The following WDR70 variants were observed in gnomAD, a reference collection of about 807,000 sequenced individuals.
WDR70 encodes the protein WD repeat domain 70.
Under a neutral mutation model 88.6 loss-of-function variants are expected in WDR70, and 53 were observed. The observed-to-expected ratio is 0.60, with a 90% CI of 0.48 to 0.75. The LOEUF (loss-of-function observed/expected upper bound fraction) is 0.75. WDR70 is among the 30% of genes least tolerant of loss of function. The pLI, the probability that WDR70 is intolerant of heterozygous loss-of-function variation, is 0.00. For missense variants in WDR70, 610 were observed against 823.2 expected (o/e 0.74, Z 3.17); for synonymous variants, 280 against 270.0 (o/e 1.04, Z -0.36).
chr5:37,671,290 T>A (rs774850529), intron 10 of WDR70, among the ~76,000 whole-genome samples: 1 of 152,182 alleles, frequency 6.6e-6, no homozygotes, highest in African/African-American at 2.4e-5. Flanking sequence ...TTTTGCAGCA[T>A]AGTTGCATTT....
chr5:37,520,288 C>T (rs1326112331), intron 9 of WDR70, among the ~76,000 whole-genome samples: 2 of 152,044 alleles, frequency 1.3e-5, no homozygotes, highest in African/African-American at 2.4e-5. Context: ...TGAAATATAT[C>T]TTTAGAAGAC....
At chr5:37,694,771 AC>A (rs1200058630) in intron 10 of WDR70, among the ~76,000 whole-genome samples, 1 of 152,012 alleles carries the variant, frequency 6.6e-6, no homozygotes, top group African/African-American at 2.4e-5. Flanking sequence ...GGTGCAGCAA[AC>A]CACCATGGCA....
intron 5 of WDR70, among the ~76,000 whole-genome samples, 185 bp from the exon 6 acceptor site, chr5:37,437,737 C>A (rs537266292): frequency 6.6e-6 from 1 of 151,932 alleles, no homozygotes; most frequent in South Asian, 2.1e-4. Flanking sequence ...CATCAGAGAC[C>A]CATTGTAGTG....
intron 9 of WDR70, among the ~76,000 whole-genome samples, chr5:37,548,203 G>A (rs953174773): frequency 6.6e-6 from 1 of 152,144 alleles, no homozygotes; most frequent in African/African-American, 2.4e-5. Flanking sequence ...TCTATTTTAA[G>A]CTTTCTGGAG....
At chr5:37,448,162 C>T (rs193029010) in intron 7 of WDR70, among the ~76,000 whole-genome samples, 2,961 of 152,128 alleles carry the variant, frequency 0.019, 86 homozygotes, top group African/African-American at 0.067. Flanking sequence ...TTTCATGTTT[C>T]AGTCAATTGC....
intron 9 of WDR70, among the ~76,000 whole-genome samples, chr5:37,526,617 T>C (rs1302070083): frequency 1.3e-5 from 2 of 152,224 alleles, no homozygotes; most frequent in Admixed American, 6.5e-5. Flanking sequence ...AACATAGTGT[T>C]GGAAGTTCTG....
rs1479345736 is a variant in WDR70 at position 37,564,558 on chromosome 5, GGGGAGAGGGAGAGGGAGAGGA to G, written c.918-40491_918-40471del. On this transcript the variant is annotated intron_variant, in intron 9 of 17. Coordinates refer to ENST00000265107, the MANE Select transcript of WDR70 (RefSeq NM_018034.4). ...GAGACGGTGGGGAGAGGGAGACCGT[GGGGAGAGGGAGAGGGAGAGGA>G]GGGAGAGGGAGAGGAGGGAGAGGGA... Among the ~76,000 whole-genome samples, 4 of 112,290 alleles carry G rather than the reference GGGGAGAGGGAGAGGGAGAGGA, an allele frequency of 3.6e-5. No homozygotes were observed. In the East Asian group the frequency reaches 8.0e-4, roughly 22 times the overall value. The allele number at this position is 112,290 out of a possible 152,430, so 73.7% of individuals were successfully genotyped here. A position where few individuals can be genotyped will look rare whatever the true frequency, so the allele number is the denominator to read the frequency against.
chr5:37,692,237 C>A (rs1746819773), intron 10 of WDR70, among the ~76,000 whole-genome samples: 1 of 151,764 alleles, frequency 6.6e-6, no homozygotes, highest in Admixed American at 6.6e-5. Context: ...AGCCTACCAA[C>A]CGTAAAAAGT....
chr5:37,727,149 A>G (rs1358917583), intron 17 of WDR70, 104 bp downstream of exon 17: 12 of 1,387,750 alleles, frequency 8.6e-6, no homozygotes, highest in Non-Finnish European at 1.2e-5. Context: ...TTCTTATTTC[A>G]TACTTAGATA....
intron 2 of WDR70, 94 bp from the exon 3 acceptor site, chr5:37,381,508 G>C: frequency 1.0e-6 from 1 of 977,376 alleles, no homozygotes; most frequent in Admixed American, 1.8e-5. Flanking sequence ...CTATAAACTA[G>C]ACAAAGTAAG....
At chr5:37,519,906 G>A (rs2112270783) in intron 9 of WDR70, among the ~76,000 whole-genome samples, 1 of 152,228 alleles carries the variant, frequency 6.6e-6, no homozygotes, top group South Asian at 2.1e-4. Context: ...GCATATGAGG[G>A]TCCCTTTTTC....
intron 9 of WDR70, among the ~76,000 whole-genome samples, chr5:37,517,130 A>C (rs1479963131): frequency 6.6e-6 from 1 of 152,186 alleles, no homozygotes; most frequent in Non-Finnish European, 1.5e-5. Flanking sequence ...AGAGTTTATT[A>C]AGGTTGGATC....
At chr5:37,549,460 C>A (rs1742081580) in intron 9 of WDR70, among the ~76,000 whole-genome samples, 1 of 152,022 alleles carries the variant, frequency 6.6e-6, no homozygotes, top group Non-Finnish European at 1.5e-5. Flanking sequence ...TATAGAAATG[C>A]TACTGATTTT....
rs574095054 is a variant in WDR70 at position 37,424,425 on chromosome 5, G to A, written c.493-13497G>A. On this transcript the variant is annotated intron_variant, in intron 5 of 17. Transcript: ENST00000265107. Reference sequence around the variant, plus strand: ...TTTTTCCATTTTTTTTTTTTTAAGGGACAGGGTCTTGCTCTGTTGCCCAGG... The same window carrying A: ...TTTTTCCATTTTTTTTTTTTTAAGGAACAGGGTCTTGCTCTGTTGCCCAGG... Among the ~76,000 whole-genome samples the A allele has an allele frequency of 3.3e-5, 5 of 150,672 alleles. No homozygotes were observed. The East Asian group carries it at 7.8e-4, about 24-fold the overall frequency.
At chr5:37,740,911 C>A (rs184342424) in intron 17 of WDR70, among the ~76,000 whole-genome samples, 75 of 152,322 alleles carry the variant, frequency 4.9e-4, no homozygotes, top group African/African-American at 1.7e-3. Flanking sequence ...TCACTCTGGT[C>A]CACCAGCCAG....
chr5:37,487,404 G>A (rs967253901), intron 8 of WDR70, among the ~76,000 whole-genome samples: 1 of 151,438 alleles, frequency 6.6e-6, no homozygotes, highest in African/African-American at 2.4e-5. Context: ...GGAGTAATTA[G>A]TAATTGTGGT....
At chr5:37,576,607 G>A (rs958866615) in intron 9 of WDR70, among the ~76,000 whole-genome samples, 18 of 151,866 alleles carry the variant, frequency 1.2e-4, no homozygotes, top group African/African-American at 2.2e-4. Context: ...AATTGATAGC[G>A]CTTCCTTCCA....
At chr5:37,634,386 G>A (rs910906576) in intron 10 of WDR70, among the ~76,000 whole-genome samples, 1 of 151,590 alleles carries the variant, frequency 6.6e-6, no homozygotes, top group Admixed American at 6.6e-5. Context: ...ATTAAGCTTT[G>A]CTTGCTGTAC....
intron 10 of WDR70, among the ~76,000 whole-genome samples, chr5:37,628,540 A>G (rs1430275680): frequency 6.6e-6 from 1 of 152,144 alleles, no homozygotes; most frequent in Non-Finnish European, 1.5e-5. Flanking sequence ...ACTCCTGCTC[A>G]CTTGATTTTC....
Sources: allele counts gnomAD v4.1 joint callset (sites outside exome capture counted in the v4.1 genomes callset), GRCh38; gene constraint gnomAD v4.1.1; transcripts MANE v1.5; gene names NCBI Gene and HGNC (gene_info 2026-07-23, HGNC 2026-07-21).